Variants in HMOX1 observed in about 807,000 individuals in gnomAD.
The protein encoded by HMOX1 is heat shock protein, 32-kD.
Under a neutral mutation model 27.8 loss-of-function variants are expected in HMOX1, and 22 were observed. The ratio of observed to expected loss-of-function variants is 0.79; its 90% CI spans 0.57 to 1.13. The LOEUF (loss-of-function observed/expected upper bound fraction) is 1.13. Ranked by LOEUF, HMOX1 falls within the 50% of genes most tolerant of loss-of-function variation. The pLI is 0.00. For missense variants in HMOX1, 379 were observed against 377.7 expected (o/e 1.00, Z -0.03); for synonymous variants, 153 against 151.6 (o/e 1.01, Z -0.07).
Position 35,393,569 on chromosome 22 carries a change from A to T in HMOX1, c.838A>T (p.Thr280Ser). ...CCTTACACTCAGCTTTCTGGTGGCG[A>T]CAGTTGCTGTAGGGCTTTATGCCAT... ...WVLTLSFLVA[T>S]VAVGLYAM The change falls in exon 5 of 5, where the codon ACA (threonine) becomes TCA (serine). Residue 280 changes from threonine (T) to serine (S), a missense_variant. By Grantham distance (58) the Thr-to-Ser change is moderately conservative (BLOSUM62 1). Transcript: ENST00000216117. The T allele has an allele frequency of 1.2e-6, 2 of 1,614,122 alleles. No homozygotes were observed. Among genetic ancestry groups the T allele is most frequent in the Non-Finnish European group, 1.7e-6 (2 of 1,180,012 alleles).
chr22:35,381,926 T>C (rs1931395434), intron 1 of HMOX1, among the ~76,000 whole-genome samples: 1 of 152,144 alleles, frequency 6.6e-6, no homozygotes, highest in Admixed American at 6.6e-5. Flanking sequence ...ATGACAATTC[T>C]GTGGGGAGGC....
chr22:35,391,738 C>A (rs997613319), intron 4 of HMOX1, among the ~76,000 whole-genome samples: 2 of 150,530 alleles, frequency 1.3e-5, no homozygotes, highest in Non-Finnish European at 3.0e-5. Flanking sequence ...GGACTATAGG[C>A]ACGTGCCACC....
At chr22:35,386,004 G>A (rs1931493545) in intron 2 of HMOX1, among the ~76,000 whole-genome samples, 1 of 151,806 alleles carries the variant, frequency 6.6e-6, no homozygotes, top group Non-Finnish European at 1.5e-5. Context: ...TGCCCAGGCT[G>A]GAGTGCAGTG....
intron 2 of HMOX1, among the ~76,000 whole-genome samples, chr22:35,384,121 G>A (rs1931451044): frequency 6.6e-6 from 1 of 151,598 alleles, no homozygotes; most frequent in Admixed American, 6.6e-5. Flanking sequence ...TCACTCTGTT[G>A]TCCGGGCTGG....
Position 35,393,487 on chromosome 22 carries a change from T to C in HMOX1, c.756T>C (p.Thr252=), listed in dbSNP as rs746728409. 1.9e-6 allele frequency: 3 copies of C among 1,614,162 alleles called. No individual in the cohort carries two copies. Among genetic ancestry groups the C allele is most frequent in the Non-Finnish European group, 2.5e-6 (3 of 1,180,018 alleles). Residue 252 remains threonine, a synonymous_variant, in exon 5 of 5, where the codon ACT becomes ACC. Coordinates refer to ENST00000216117, the MANE Select transcript of HMOX1 (RefSeq NM_002133.3). ...NKVQDSAPVE[T]PRGKPPLNTR... is the part of the protein sequence containing the mutation. ...TTTCAGATTCTGCCCCCGTGGAGAC[T>C]CCCAGAGGGAAGCCCCCACTCAACA...
intron 3 of HMOX1, 144 bp from the exon 4 acceptor site, chr22:35,389,720 G>A: frequency 1.5e-6 from 1 of 688,168 alleles, no homozygotes; most frequent in Non-Finnish European, 2.6e-6. Context: ...GGATTACAGG[G>A]GCGCACCACC....
chr22:35,387,767 C>T (rs2145767690), intron 3 of HMOX1, among the ~76,000 whole-genome samples: 1 of 152,362 alleles, frequency 6.6e-6, no homozygotes, highest in South Asian at 2.1e-4. Flanking sequence ...ATAGAGCCTT[C>T]TCTCTCTGCC....
In HMOX1 at chr22:35,389,340, TC is replaced by T. The variant is rs61639768; in HGVS notation, c.637-523del. The stretch of plus-strand genomic sequence containing the variant: ...CTTTCTTCTTTCTTTCTTTCTTTCT[TC>T]TCCTTCCTTCCTTCCTTCCTTCCTT... On this transcript the variant is annotated intron_variant, in intron 3 of 4. Transcript: ENST00000216117. Among the ~76,000 whole-genome samples the T allele has an allele frequency of 2.2e-3, 214 of 99,250 alleles. 5 individuals are homozygous for T. Among genetic ancestry groups the T allele is most frequent in the East Asian group, 2.0e-3 (7 of 3,574 alleles). 65.1% of individuals were successfully genotyped at this position (99,250 alleles called of 152,430 possible).
intron 2 of HMOX1, among the ~76,000 whole-genome samples, 175 bp downstream of exon 2, chr22:35,383,401 T>A (rs1399670890): frequency 6.6e-6 from 1 of 152,160 alleles, no homozygotes; most frequent in Non-Finnish European, 1.5e-5. Context: ...TTACCCAAGG[T>A]CACACAGCAA....
rs559996008 is a variant in HMOX1 at position 35,389,276 on chromosome 22, T to C, written c.637-588T>C. On this transcript the variant is annotated intron_variant, in intron 3 of 4. Coordinates refer to ENST00000216117, the MANE Select transcript of HMOX1 (RefSeq NM_002133.3). ...TCTCTCTCTCTCTCTCTCTCTCTCC[T>C]CTCTCTCTCTCTCTTCTTTCTTCTT... is the stretch of plus-strand genomic sequence containing the variant. 3.9e-3 allele frequency among the ~76,000 whole-genome samples: 416 copies of C among 107,364 alleles called. 37 individuals are homozygous for C. The highest frequency in any genetic ancestry group is 5.2e-3 in the Non-Finnish European group (290 of 56,106). The allele number at this position is 107,364 out of a possible 152,430, so 70.4% of individuals were successfully genotyped here.
chr22:35,381,238 C>T, intron 1 of HMOX1, 42 bp downstream of exon 1: 1 of 1,542,340 alleles, frequency 6.5e-7, no homozygotes, highest in South Asian at 1.2e-5. Context: ...GCCTTTCTCT[C>T]CCAACCCTGC....
intron 4 of HMOX1, among the ~76,000 whole-genome samples, chr22:35,390,763 C>T (rs1275404186): frequency 1.3e-5 from 2 of 152,096 alleles, no homozygotes; most frequent in African/African-American, 4.8e-5. Context: ...GCCTTTGGTC[C>T]CCTGATGTGG....
intron 1 of HMOX1, among the ~76,000 whole-genome samples, chr22:35,382,654 T>C (rs1931410937): frequency 6.8e-6 from 1 of 146,204 alleles, no homozygotes; most frequent in African/African-American, 2.5e-5. Flanking sequence ...TGAGCCACCA[T>C]GCCTGGCCCT....
chr22:35,393,001 C>G (rs1379446989), intron 4 of HMOX1, among the ~76,000 whole-genome samples: 2 of 152,304 alleles, frequency 1.3e-5, no homozygotes, highest in East Asian at 3.9e-4. Flanking sequence ...CAGGCGTGAG[C>G]CACTGCGCCC....
intron 1 of HMOX1, 181 bp downstream of exon 1, chr22:35,381,377 G>A: frequency 1.4e-6 from 1 of 693,792 alleles, no homozygotes; most frequent in South Asian, 1.8e-5. Flanking sequence ...TTGGAGGGAG[G>A]AACGGTAATT....
At position 35,389,853 on chromosome 22, in the gene HMOX1, T is replaced by C. The variant is rs913540095; in HGVS notation, c.637-11T>C. On this transcript the variant is annotated splice_polypyrimidine_tract_variant and intron_variant, in intron 3 of 4. Transcript: ENST00000216117. ...TCACTGAGATAGGCATGTGTGTCTTTTGTCTTTTAGCTCTTTGAGGAGTTG... is the reference window on the plus strand; with the variant it reads ...TCACTGAGATAGGCATGTGTGTCTTCTGTCTTTTAGCTCTTTGAGGAGTTG... 6.3e-7 allele frequency: 1 copy of C among 1,591,332 alleles called. No homozygotes were observed. The highest frequency in any genetic ancestry group is 1.1e-5 in the South Asian group (1 of 88,146).
chr22:35,386,173 G>A (rs1931498550), intron 2 of HMOX1, among the ~76,000 whole-genome samples: 1 of 151,674 alleles, frequency 6.6e-6, no homozygotes, highest in Admixed American at 6.6e-5. Flanking sequence ...AGCCAGGATG[G>A]TCTTGATGTC....
intron 3 of HMOX1, among the ~76,000 whole-genome samples, chr22:35,387,905 C>T (rs1165758790): frequency 6.6e-6 from 1 of 152,208 alleles, no homozygotes; most frequent in Non-Finnish European, 1.5e-5. Flanking sequence ...CCCTTCCACC[C>T]TCCCCCTTCA....
intron 2 of HMOX1, among the ~76,000 whole-genome samples, chr22:35,384,307 CT>C (rs2145765243): frequency 6.6e-6 from 1 of 152,206 alleles, no homozygotes; most frequent in African/African-American, 2.4e-5. Flanking sequence ...TGGTCTCGAA[CT>C]CCTGACCTCA....
Sources: allele counts gnomAD v4.1 joint callset (sites outside exome capture counted in the v4.1 genomes callset), GRCh38; gene constraint gnomAD v4.1.1; transcripts MANE v1.5; gene names NCBI Gene and HGNC (gene_info 2026-07-23, HGNC 2026-07-21).